The following HS1BP3 variants were observed in gnomAD, a reference collection of about 807,000 sequenced individuals.
HS1BP3 encodes HCLS1 binding protein 3, also known as HCLS1-binding protein 3.
A neutral mutation model predicts 33.5 loss-of-function variants in HS1BP3; 32 were observed. That is an observed-to-expected ratio of 0.95 (90% confidence interval 0.72 to 1.28). The LOEUF (loss-of-function observed/expected upper bound fraction) is 1.28, where lower values mean the gene tolerates loss of function less well. Ranked by LOEUF, HS1BP3 falls within the 50% of genes most tolerant of loss-of-function variation. The pLI is 0.00. For missense variants in HS1BP3, 486 were observed against 502.3 expected (o/e 0.97, Z 0.31); for synonymous variants, 187 against 209.2 (o/e 0.89, Z 0.92).
At chr2:20,577,947 C>G (rs1693441002) in intron 5 of HS1BP3, among the ~76,000 whole-genome samples, 1 of 152,262 alleles carries the variant, frequency 6.6e-6, no homozygotes, top group African/African-American at 2.4e-5. Context: ...GTTCCTCAAG[C>G]CTGTCCAGTG....
Position 20,566,612 on chromosome 2 carries a change from G to T in HS1BP3, c.303-6097C>A, listed in dbSNP as rs866150247. Among the ~76,000 whole-genome samples the T allele has an allele frequency of 4.4e-3, 625 of 141,896 alleles. 6 individuals are homozygous for T. The highest frequency in any genetic ancestry group is 0.015 in the African/African-American group (564 of 38,380). 93.1% of individuals were successfully genotyped at this position (141,896 alleles called of 152,430 possible). A position where few individuals can be genotyped will look rare whatever the true frequency, so the allele number is the denominator to read the frequency against. On this transcript the variant is annotated intron_variant, in intron 5 of 5. Coordinates refer to the HS1BP3 transcript ENST00000446825. Reference sequence around the variant, plus strand: ...GAGTTTGTCACAGGTTTTTTTTTTTGTTTTTTTTTTTGAGATGGAGTTTTG... The same window carrying T: ...GAGTTTGTCACAGGTTTTTTTTTTTTTTTTTTTTTTTGAGATGGAGTTTTG...
intron 4 of HS1BP3, among the ~76,000 whole-genome samples, chr2:20,628,779 T>C (rs1046082755): frequency 6.6e-6 from 1 of 151,896 alleles, no homozygotes; most frequent in Non-Finnish European, 1.5e-5. Flanking sequence ...GTGAACTTGG[T>C]GGAATGGAGT....
At chr2:20,608,262 A>G (rs1280483290) in intron 2 of HS1BP3, among the ~76,000 whole-genome samples, 2 of 151,784 alleles carry the variant, frequency 1.3e-5, no homozygotes, top group African/African-American at 4.8e-5. Flanking sequence ...TAGAACTTCC[A>G]GTACAATATT....
downstream of HS1BP3, among the ~76,000 whole-genome samples, chr2:20,555,899 C>T (rs1413730540): frequency 1.3e-5 from 2 of 152,196 alleles, no homozygotes; most frequent in Non-Finnish European, 1.5e-5. Flanking sequence ...TTCACCTCTG[C>T]ATACATACCT....
At chr2:20,645,713 G>A (rs1558352693) in intron 1 of HS1BP3, among the ~76,000 whole-genome samples, 1 of 152,236 alleles carries the variant, frequency 6.6e-6, no homozygotes. Context: ...CTCGGACCTG[G>A]TCCTGCCTTT....
Position 20,623,955 on chromosome 2 carries a change from A to C in HS1BP3, c.861T>G (p.Cys287Trp). The part of the protein sequence containing the change: ...LGDSLLLPAA[C>W]ESGGPTPSLS... ...GGCTGGGTGTGGGCCCTCCACTCTCACAGGCGGCTGGCAGCAGGAGGGAGT... is the reference window on the plus strand; with the variant it reads ...GGCTGGGTGTGGGCCCTCCACTCTCCCAGGCGGCTGGCAGCAGGAGGGAGT... Residue 287 changes from cysteine (C) to tryptophan (W), a missense_variant, in exon 6 of 7, where the codon TGT becomes TGG. Transcript: ENST00000304031. The C allele has an allele frequency of 6.2e-7, 1 of 1,612,598 alleles. No individual in the cohort carries two copies. Among genetic ancestry groups the C allele is most frequent in the Non-Finnish European group, 8.5e-7 (1 of 1,179,880 alleles).
intron 4 of HS1BP3, among the ~76,000 whole-genome samples, chr2:20,628,590 A>C (rs1037367966): frequency 6.6e-6 from 1 of 151,692 alleles, no homozygotes; most frequent in Non-Finnish European, 1.5e-5. Flanking sequence ...AGCTCACATC[A>C]CACCACTGCA....
intron 5 of HS1BP3, among the ~76,000 whole-genome samples, chr2:20,577,889 T>A (rs1693439430): frequency 6.6e-6 from 1 of 152,256 alleles, no homozygotes; most frequent in Non-Finnish European, 1.5e-5. Flanking sequence ...TATGCTGATG[T>A]ATCAGAACCA....
intron 2 of HS1BP3, among the ~76,000 whole-genome samples, chr2:20,641,419 C>T (rs1282702563): frequency 6.6e-6 from 1 of 152,194 alleles, no homozygotes; most frequent in African/African-American, 2.4e-5. Flanking sequence ...CGGTGCCATT[C>T]TGGACACTGT....
the HS1BP3 span, among the ~76,000 whole-genome samples, chr2:20,554,934 C>G: frequency 6.6e-6 from 1 of 152,210 alleles, no homozygotes; most frequent in Non-Finnish European, 1.5e-5. Flanking sequence ...GTCCTAGCCC[C>G]ACCGTGGCCA....
intron 1 of HS1BP3, among the ~76,000 whole-genome samples, chr2:20,646,631 G>C (rs936924758): frequency 6.6e-6 from 1 of 152,266 alleles, no homozygotes; most frequent in African/African-American, 2.4e-5. Context: ...CTGCCTTCAG[G>C]TGGTGAAAAG....
intron 4 of HS1BP3, chr2:20,637,561 C>T (rs1186258830): frequency 6.6e-6 from 1 of 152,344 alleles, no homozygotes; most frequent in Non-Finnish European, 1.5e-5. Flanking sequence ...AAATCCTCAC[C>T]CCTGGACGCT....
At chr2:20,559,823 T>C (rs1424101287), downstream of HS1BP3, among the ~76,000 whole-genome samples, 1 of 152,168 alleles carries the variant, frequency 6.6e-6, no homozygotes, top group Non-Finnish European at 1.5e-5. Context: ...TCATCAGCCT[T>C]TCTCACCCTG....
In HS1BP3 at chr2:20,611,534, T is replaced by C. The variant is rs1190188064; in HGVS notation, c.178+12362A>G. Among the ~76,000 whole-genome samples, 3 of 152,212 alleles carry C rather than the reference T, an allele frequency of 2.0e-5. No individual in the cohort carries two copies. The East Asian group carries it at 5.8e-4, about 29-fold the overall frequency. On this transcript the variant is annotated intron_variant, in intron 2 of 3. Coordinates refer to the HS1BP3 transcript ENST00000415264. The surrounding 1 kb of genome is among the most constrained non-coding windows in gnomAD (Gnocchi z 4.9). ...TCCATGGTGCTGGGAGAGCTGTTGT[T>C]GCTCTGAGTGTGGGGTGAGCTGGAA...
chr2:20,609,546 G>A (rs1454785907), intron 2 of HS1BP3, among the ~76,000 whole-genome samples: 1 of 152,168 alleles, frequency 6.6e-6, no homozygotes, highest in Non-Finnish European at 1.5e-5. Context: ...GGGAGAGGAG[G>A]GAAGGCTGGG....
chr2:20,622,381 G>A, intron 6 of HS1BP3: 1 of 1,261,180 alleles, frequency 7.9e-7, no homozygotes, highest in Non-Finnish European at 1.0e-6. Context: ...CTAAAGTGAA[G>A]GTGGGGGTGC....
chr2:20,622,285 G>A (rs1694629465), intron 6 of HS1BP3: 4 of 1,304,726 alleles, frequency 3.1e-6, no homozygotes, highest in Non-Finnish European at 4.0e-6. Context: ...CTCTCAAGAA[G>A]CTAATCCCAG....
At chr2:20,578,048 T>C (rs1693443327) in intron 5 of HS1BP3, among the ~76,000 whole-genome samples, 1 of 152,214 alleles carries the variant, frequency 6.6e-6, no homozygotes, top group South Asian at 2.1e-4. Context: ...CTCATCATGA[T>C]CCAGCCGGCT....
At chr2:20,568,105 A>T (rs1053275668) in intron 5 of HS1BP3, among the ~76,000 whole-genome samples, 1 of 152,164 alleles carries the variant, frequency 6.6e-6, no homozygotes, top group Admixed American at 6.5e-5. Flanking sequence ...CTAGAACAAA[A>T]GAGAAATGAA....
Sources: gnomAD v4.1 joint callset for allele counts (sites outside exome capture counted in the v4.1 genomes callset) on GRCh38, gnomAD v4.1.1 for gene constraint, Gnocchi (gnomAD v3.1) non-coding constraint, MANE v1.5 for transcripts, NCBI Gene and HGNC (gene_info 2026-07-23, HGNC 2026-07-21) for gene names.